The following CRYL1 variants were observed in gnomAD, a reference collection of about 807,000 sequenced individuals.
The protein encoded by CRYL1 is lambda-crystallin homolog.
A neutral mutation model predicts 36.6 loss-of-function variants in CRYL1; 29 were observed. The ratio of observed to expected loss-of-function variants is 0.79; its 90% CI spans 0.59 to 1.08. The LOEUF is 1.08. CRYL1 is among the 50% of genes least tolerant of loss of function. The pLI, the probability that CRYL1 is intolerant of heterozygous loss-of-function variation, is 0.00. For missense variants in CRYL1, 411 were observed against 407.9 expected (o/e 1.01, Z -0.06); for synonymous variants, 152 against 151.5 (o/e 1.00, Z -0.02).
At chr13:20,430,949 C>A in intron 5 of CRYL1, 3 of 985,424 alleles carry the variant, frequency 3.0e-6, no homozygotes, top group Non-Finnish European at 3.6e-6. Context: ...CAAACCGCCG[C>A]CCTAACAGTG....
intron 1 of CRYL1, among the ~76,000 whole-genome samples, 171 bp from the exon 2 acceptor site, chr13:20,512,721 T>C (rs572283627): frequency 1.3e-5 from 2 of 152,190 alleles, no homozygotes; most frequent in Non-Finnish European, 2.9e-5. Context: ...ATATCACATG[T>C]TCTCACTCAT....
At chr13:20,411,119 C>T (rs940271225) in intron 6 of CRYL1, among the ~76,000 whole-genome samples, 2 of 152,134 alleles carry the variant, frequency 1.3e-5, no homozygotes, top group Non-Finnish European at 2.9e-5. Context: ...AAAACAGTAT[C>T]AGAAAAGAAG....
At chr13:20,451,057 TC>T (rs1452798993) in intron 3 of CRYL1, among the ~76,000 whole-genome samples, 1 of 119,930 alleles carries the variant, frequency 8.3e-6, no homozygotes, top group Non-Finnish European at 1.6e-5. Flanking sequence ...ACCGGGCCTG[TC>T]GAGGGGTGGG....
intron 6 of CRYL1, among the ~76,000 whole-genome samples, chr13:20,412,679 G>T (rs1205370462): frequency 5.9e-5 from 9 of 152,076 alleles, no homozygotes; most frequent in Non-Finnish European, 1.0e-4. Flanking sequence ...TTCCCAAGTC[G>T]TCTTTCCTTT....
intron 1 of CRYL1, among the ~76,000 whole-genome samples, chr13:20,516,430 C>T (rs2033999372): frequency 6.6e-6 from 1 of 152,048 alleles, no homozygotes; most frequent in African/African-American, 2.4e-5. Context: ...CCTGGCCCCT[C>T]TTCAAGCCTC....
chr13:20,443,136 T>C (rs546520378), intron 3 of CRYL1, among the ~76,000 whole-genome samples: 17 of 152,314 alleles, frequency 1.1e-4, no homozygotes, highest in African/African-American at 3.8e-4. Flanking sequence ...CAGTGTTTTA[T>C]GGTTAGTAAA....
chr13:20,521,713 G>C (rs372592055), intron 1 of CRYL1, among the ~76,000 whole-genome samples: 3 of 152,150 alleles, frequency 2.0e-5, no homozygotes, highest in African/African-American at 7.2e-5. Context: ...AAAGCAGCAG[G>C]GGAGAAAAGT....
chr13:20,503,583 G>A (rs1336366074), intron 2 of CRYL1, among the ~76,000 whole-genome samples: 1 of 152,236 alleles, frequency 6.6e-6, no homozygotes, highest in Non-Finnish European at 1.5e-5. Context: ...CATGCCACAT[G>A]TGCTAATAAC....
intron 3 of CRYL1, among the ~76,000 whole-genome samples, chr13:20,472,728 G>A (rs2033086193): frequency 6.6e-6 from 1 of 152,202 alleles, no homozygotes; most frequent in South Asian, 2.1e-4. Context: ...CCTGTCACTG[G>A]AAGAAGCTGA....
At chr13:20,513,980 A>G (rs1167300452) in intron 1 of CRYL1, among the ~76,000 whole-genome samples, 1 of 152,074 alleles carries the variant, frequency 6.6e-6, no homozygotes, top group Non-Finnish European at 1.5e-5. Flanking sequence ...AGGAGCTCCC[A>G]ATGGCCAAAG....
At chr13:20,468,589 TC>T (rs770069059) in intron 3 of CRYL1, among the ~76,000 whole-genome samples, 16 of 152,176 alleles carry the variant, frequency 1.1e-4, no homozygotes, top group Non-Finnish European at 2.2e-4. Context: ...TATCACCTTC[TC>T]CCTTTACCTA....
Position 20,435,704 on chromosome 13 carries a change from T to C in CRYL1, c.439-3408A>G, listed in dbSNP as rs2032196910. 6.6e-6 allele frequency among the ~76,000 whole-genome samples: 1 copy of C among 152,140 alleles called. No homozygotes were observed. On this transcript the variant is annotated intron_variant, in intron 4 of 7. Transcript: ENST00000298248. This position sits in a 1 kb window ranked among gnomAD's most constrained non-coding sequence, Gnocchi z 4.0. ...ACAACGGCAGCGCAGCGCAGGGGCC[T>C]GGGCCTGCGCAGGCCGGCGGAGCAC...
rs1363842408 is a variant in CRYL1, at chr13:20,489,437, T to C, written c.209A>G (p.Glu70Gly). The C allele has an allele frequency of 6.2e-7, 1 of 1,613,680 alleles. No homozygotes were observed. The highest frequency in any genetic ancestry group is 1.7e-5 in the Admixed American group (1 of 60,014). Residue 70 changes from glutamate (E) to glycine (G), a missense_variant, in exon 3 of 8, where the codon GAG (glutamate) becomes GGG (glycine). By Grantham distance (98) the Glu-to-Gly change is moderately conservative (BLOSUM62 -2). Transcript: ENST00000298248. The stretch of plus-strand genomic sequence containing the variant: ...ACAACCACTGATGAGTGACAGCTGC[T>C]CTTCCACACTCAGGGAGCCTTTCAG... ...GSLKGSLSVE[E>G]QLSLISGCPN...
chr13:20,523,059 G>A (rs2034125788), intron 1 of CRYL1, among the ~76,000 whole-genome samples: 1 of 151,570 alleles, frequency 6.6e-6, no homozygotes, highest in South Asian at 2.1e-4. Context: ...TGGGATTACA[G>A]GCATGCACCA....
In CRYL1 at chr13:20,458,409, G is replaced by A. The variant is rs76647180; in HGVS notation, c.277-18655C>T. On this transcript the variant is annotated intron_variant, in intron 3 of 7. Transcript: ENST00000298248. ...ACAGGAGCTTGACTAATTCCTTTCT[G>A]GAGCCGTGGACCCTTTGAAATCTTA... Among the ~76,000 whole-genome samples the A allele has an allele frequency of 9.2e-5, 14 of 152,258 alleles. No homozygotes were observed. In the East Asian group the frequency reaches 2.7e-3, roughly 29 times the overall value.
intron 6 of CRYL1, among the ~76,000 whole-genome samples, chr13:20,411,583 T>C (rs1287252071): frequency 6.6e-6 from 1 of 152,248 alleles, no homozygotes; most frequent in Non-Finnish European, 1.5e-5. Flanking sequence ...TAAGTATATA[T>C]ACAAATCTAT....
At chr13:20,461,455 G>A (rs1421656639) in intron 3 of CRYL1, among the ~76,000 whole-genome samples, 11 of 151,904 alleles carry the variant, frequency 7.2e-5, no homozygotes, top group East Asian at 1.9e-4. Context: ...CTTTTTTCAT[G>A]TCTACTTTTA....
chr13:20,453,336 C>T (rs1022684151), intron 3 of CRYL1, among the ~76,000 whole-genome samples: 3 of 151,594 alleles, frequency 2.0e-5, no homozygotes, highest in African/African-American at 7.3e-5. Context: ...AACCAAGACA[C>T]TTCCAAATAA....
chr13:20,434,548 G>GA (rs1407460103), intron 4 of CRYL1, among the ~76,000 whole-genome samples: 3 of 150,692 alleles, frequency 2.0e-5, no homozygotes, highest in Non-Finnish European at 4.4e-5. Context: ...GCCAATTAGG[G>GA]AAAAAAAGCT....
Sources: gnomAD v4.1 joint callset for allele counts (sites outside exome capture counted in the v4.1 genomes callset) on GRCh38, gnomAD v4.1.1 for gene constraint, Gnocchi (gnomAD v3.1) non-coding constraint, MANE v1.5 for transcripts, NCBI Gene and HGNC (gene_info 2026-07-23, HGNC 2026-07-21) for gene names.